The following GPHN variants were observed in gnomAD, a reference collection of about 807,000 sequenced individuals.
The protein encoded by GPHN is gephyrin.
GPHN carries 17 observed loss-of-function variants against 95.5 expected under a neutral mutation model. The observed-to-expected ratio is 0.18, with a 90% confidence interval of 0.12 to 0.27. The LOEUF is 0.27. GPHN is among the 10% of genes least tolerant of loss of function. GPHN has a pLI of 1.00. For synonymous variants in GPHN, 320 were observed against 322.5 expected (o/e 0.99, Z 0.08); for missense variants, 660 against 978.1 (o/e 0.67, Z 4.34).
intron 8 of GPHN, among the ~76,000 whole-genome samples, chr14:66,931,213 G>A (rs956605339): frequency 6.6e-6 from 1 of 152,156 alleles, no homozygotes; most frequent in South Asian, 2.1e-4. Context: ...GAAATCTGCT[G>A]CCAGACATAT....
intron 3 of GPHN, among the ~76,000 whole-genome samples, chr14:66,801,808 C>T (rs2060362952): frequency 6.7e-6 from 1 of 148,512 alleles, no homozygotes; most frequent in Admixed American, 6.6e-5. Context: ...CCCGCTCCCG[C>T]TCCCTCTCCC....
At chr14:67,501,859 C>T in the GPHN span, among the ~76,000 whole-genome samples, 13,190 of 152,262 alleles carry the variant, frequency 0.087, 608 homozygotes, top group African/African-American at 0.11. Context: ...AGCACATTCA[C>T]GTTTCTATGG....
At chr14:67,445,858 A>T in the GPHN span, among the ~76,000 whole-genome samples, 1 of 152,080 alleles carries the variant, frequency 6.6e-6, no homozygotes, top group African/African-American at 2.4e-5. Context: ...AGGTGCTGGC[A>T]TTAGAGGCAT....
the GPHN span, chr14:67,714,702 A>T: frequency 6.5e-6 from 1 of 153,010 alleles, no homozygotes; most frequent in Admixed American, 6.5e-5. Context: ...AATGCCCCAC[A>T]CATGTTATCA....
chr14:67,488,242 A>G, the GPHN span, among the ~76,000 whole-genome samples: 4 of 152,210 alleles, frequency 2.6e-5, no homozygotes, highest in African/African-American at 9.6e-5. Flanking sequence ...TCTGACCACC[A>G]GGGTCTCTGA....
chr14:66,579,499 T>C (rs1184801910), intron 1 of GPHN, among the ~76,000 whole-genome samples: 1 of 149,894 alleles, frequency 6.7e-6, no homozygotes, highest in African/African-American at 2.4e-5. Flanking sequence ...AGACTGAAAG[T>C]GAAGAAATGG....
At chr14:67,114,819 C>T (rs1251652675) in intron 16 of GPHN, among the ~76,000 whole-genome samples, 2 of 152,172 alleles carry the variant, frequency 1.3e-5, no homozygotes, top group Non-Finnish European at 2.9e-5. Context: ...CTCAATTATC[C>T]ACAGAGTATA....
At chr14:66,606,599 A>G (rs1272023038) in intron 1 of GPHN, among the ~76,000 whole-genome samples, 3 of 152,102 alleles carry the variant, frequency 2.0e-5, no homozygotes, top group Admixed American at 2.0e-4. Context: ...GATTCTTCCA[A>G]TTCATGGGCA....
intron 1 of GPHN, among the ~76,000 whole-genome samples, chr14:66,677,279 C>T (rs997983895): frequency 6.6e-6 from 1 of 151,972 alleles, no homozygotes; most frequent in Non-Finnish European, 1.5e-5. Flanking sequence ...TTTACTTCTG[C>T]TCTGATGTTT....
chr14:67,155,278 C>T (rs956665818), intron 18 of GPHN, among the ~76,000 whole-genome samples: 1 of 152,190 alleles, frequency 6.6e-6, no homozygotes, highest in South Asian at 2.1e-4. Flanking sequence ...TCAAGATAAT[C>T]TGAGTTTTCC....
intron 19 of GPHN, among the ~76,000 whole-genome samples, chr14:67,161,150 G>A (rs1371965755): frequency 1.3e-5 from 2 of 152,024 alleles, no homozygotes; most frequent in East Asian, 1.9e-4. Flanking sequence ...AAAATTAGCC[G>A]GGCGTTGGTG....
chr14:67,364,145 G>C, the GPHN span: 1 of 152,188 alleles, frequency 6.6e-6, no homozygotes, highest in Non-Finnish European at 1.5e-5. Flanking sequence ...GATAAGAGAA[G>C]CTAGACATTG....
the GPHN span, among the ~76,000 whole-genome samples, chr14:67,654,768 G>A: frequency 7.2e-5 from 11 of 152,006 alleles, no homozygotes; most frequent in Admixed American, 2.0e-4. Flanking sequence ...AGTGGCTCAC[G>A]CTTATAATTC....
At chr14:66,861,964 A>G (rs1356469822) in intron 4 of GPHN, among the ~76,000 whole-genome samples, 1 of 152,094 alleles carries the variant, frequency 6.6e-6, no homozygotes, top group Non-Finnish European at 1.5e-5. Context: ...ACCCAAAAGT[A>G]GTAGAGGAAA....
At chr14:66,960,235 T>C (rs2068800339) in intron 8 of GPHN, among the ~76,000 whole-genome samples, 1 of 151,756 alleles carries the variant, frequency 6.6e-6, no homozygotes, top group Non-Finnish European at 1.5e-5. Context: ...CAGCTCAGTG[T>C]CTGAGCTTTC....
rs542387654 is a variant in GPHN, at chr14:66,919,506, A to G, written c.457-3160A>G. 2.0e-5 allele frequency among the ~76,000 whole-genome samples: 3 copies of G among 152,270 alleles called. No individual in the cohort carries two copies. In the South Asian group the frequency reaches 6.2e-4, roughly 32 times the overall value. On this transcript the variant is annotated intron_variant, in intron 6 of 22. Transcript: ENST00000478722. ...TCAAGAATGAGGGGTTGGGATTAGG[A>G]AAATAACAGACAGGTACAGGCTACT...
chr14:66,813,909 GA>G (rs2060858799), intron 3 of GPHN, among the ~76,000 whole-genome samples: 1 of 152,090 alleles, frequency 6.6e-6, no homozygotes. Flanking sequence ...AACACTGATG[GA>G]CCATGCCTGA....
chr14:67,635,066 G>A, the GPHN span, among the ~76,000 whole-genome samples: 3 of 151,838 alleles, frequency 2.0e-5, no homozygotes, highest in Non-Finnish European at 4.4e-5. Context: ...GTAAAATGGC[G>A]AAATCTTGTC....
chr14:67,377,162 C>T, the GPHN span, among the ~76,000 whole-genome samples: 1 of 152,190 alleles, frequency 6.6e-6, no homozygotes. Context: ...CCAACATAGG[C>T]ACACCATGAT....
Sources: allele counts gnomAD v4.1 joint callset (sites outside exome capture counted in the v4.1 genomes callset), GRCh38; gene constraint gnomAD v4.1.1; transcripts MANE v1.5; gene names NCBI Gene and HGNC (gene_info 2026-07-23, HGNC 2026-07-21).